SLC4A10: variants seen among roughly 807,000 people sequenced by gnomAD.
The protein encoded by SLC4A10 is sodium-driven chloride bicarbonate exchanger.
SLC4A10 carries 42 observed loss-of-function variants against 137.7 expected under a neutral mutation model. That is an observed-to-expected ratio of 0.30 (90% CI 0.24 to 0.39). The LOEUF (loss-of-function observed/expected upper bound fraction) is 0.39, where lower values mean the gene tolerates loss of function less well. Ranked by LOEUF, SLC4A10 falls within the 10% of genes least tolerant of loss-of-function variation. The pLI is 1.00. For missense variants in SLC4A10, 925 were observed against 1,355.0 expected, an observed-to-expected ratio of 0.68 and a Z score of 4.98; for synonymous variants, 474 against 464.1, an observed-to-expected ratio of 1.02 and a Z score of -0.27.
intron 1 of SLC4A10, among the ~76,000 whole-genome samples, chr2:161,702,972 T>G (rs2043277439): frequency 6.6e-6 from 1 of 151,820 alleles, no homozygotes; most frequent in Non-Finnish European, 1.5e-5. Flanking sequence ...ACCTTTCCTT[T>G]TCCATTTTCA....
At chr2:161,762,953 A>G (rs1329216290) in intron 1 of SLC4A10, among the ~76,000 whole-genome samples, 2 of 152,102 alleles carry the variant, frequency 1.3e-5, no homozygotes, top group Non-Finnish European at 2.9e-5. Context: ...TTTTATTTAT[A>G]TTAATGAAGA....
chr2:161,806,576 A>T (rs565223066), intron 3 of SLC4A10, among the ~76,000 whole-genome samples: 1 of 152,298 alleles, frequency 6.6e-6, no homozygotes, highest in African/African-American at 2.4e-5. Flanking sequence ...AAAGTTTCAC[A>T]GATCTCTAGG....
intron 1 of SLC4A10, among the ~76,000 whole-genome samples, chr2:161,752,441 G>T (rs981973006): frequency 1.3e-5 from 2 of 151,896 alleles, no homozygotes; most frequent in African/African-American, 4.8e-5. Flanking sequence ...TGAACTAAAC[G>T]CATGGGCCTC....
chr2:161,747,496 A>T (rs2048508566), intron 1 of SLC4A10, among the ~76,000 whole-genome samples: 1 of 150,964 alleles, frequency 6.6e-6, no homozygotes, highest in African/African-American at 2.4e-5. Flanking sequence ...TCTTGGTATG[A>T]TGTTAAAATC....
intron 1 of SLC4A10, among the ~76,000 whole-genome samples, chr2:161,629,290 A>G (rs2033075155): frequency 6.6e-6 from 1 of 151,278 alleles, no homozygotes; most frequent in African/African-American, 2.4e-5. Flanking sequence ...CTCGCACCAC[A>G]AACAGTTGTC....
intron 5 of SLC4A10, among the ~76,000 whole-genome samples, chr2:161,858,575 TTACTC>T (rs1263231930): frequency 6.6e-6 from 1 of 152,188 alleles, no homozygotes. Flanking sequence ...TTACCACAAT[TTACTC>T]TGATATGGAG....
intron 1 of SLC4A10, among the ~76,000 whole-genome samples, chr2:161,752,826 G>A (rs903436243): frequency 1.3e-5 from 2 of 152,024 alleles, no homozygotes; most frequent in Non-Finnish European, 2.9e-5. Flanking sequence ...TATCCTGGTG[G>A]ACAGGAGGAT....
intron 1 of SLC4A10, among the ~76,000 whole-genome samples, chr2:161,658,572 C>T (rs1284699102): frequency 6.7e-6 from 1 of 149,596 alleles, no homozygotes; most frequent in Non-Finnish European, 1.5e-5. Context: ...AATATTTTTA[C>T]CATGTGTTTA....
intron 3 of SLC4A10, among the ~76,000 whole-genome samples, chr2:161,823,237 G>T (rs1437871326): frequency 6.6e-6 from 1 of 152,156 alleles, no homozygotes; most frequent in Non-Finnish European, 1.5e-5. Flanking sequence ...GCAACTGAGA[G>T]AAATGTAAAC....
chr2:161,751,755 G>A (rs188722249), intron 1 of SLC4A10, among the ~76,000 whole-genome samples: 235 of 151,792 alleles, frequency 1.5e-3, no homozygotes, highest in African/African-American at 5.4e-3. Context: ...GAAAAATGTC[G>A]TTAAGTTATA....
chr2:161,909,545 A>G (rs1559513771), intron 15 of SLC4A10, among the ~76,000 whole-genome samples: 2 of 152,296 alleles, frequency 1.3e-5, no homozygotes, highest in South Asian at 2.1e-4. Context: ...AAACAATGAC[A>G]GTCTCATGGG....
chr2:161,823,573 CAGAGA>C (rs1243174324), intron 3 of SLC4A10, among the ~76,000 whole-genome samples: 1 of 152,178 alleles, frequency 6.6e-6, no homozygotes, highest in Non-Finnish European at 1.5e-5. Context: ...TCCCAAGAAG[CAGAGA>C]AAAGTCATAA....
intron 1 of SLC4A10, among the ~76,000 whole-genome samples, chr2:161,648,888 T>A (rs1356925988): frequency 6.6e-6 from 1 of 152,218 alleles, no homozygotes; most frequent in African/African-American, 2.4e-5. Flanking sequence ...TGTTTTTTAT[T>A]TTTTTTCCTT....
chr2:161,945,094 A>T (rs1693492300), intron 16 of SLC4A10, among the ~76,000 whole-genome samples: 1 of 149,400 alleles, frequency 6.7e-6, no homozygotes, highest in Non-Finnish European at 1.5e-5. Context: ...CAAACATTTG[A>T]TAGAAGTACT....
At chr2:161,804,835 G>C (rs1260934742) in intron 3 of SLC4A10, among the ~76,000 whole-genome samples, 2 of 152,052 alleles carry the variant, frequency 1.3e-5, no homozygotes, top group Non-Finnish European at 2.9e-5. Flanking sequence ...ATTGAGTAAA[G>C]CTCAAAAACT....
intron 23 of SLC4A10, among the ~76,000 whole-genome samples, chr2:161,967,986 C>T (rs80283637): frequency 6.7e-5 from 10 of 148,336 alleles, no homozygotes; most frequent in Admixed American, 3.4e-4. Flanking sequence ...AAAAAAAAAA[C>T]GAACACAGCC....
At chr2:161,964,022 G>A (rs1055675644) in intron 21 of SLC4A10, 113 bp from the exon 22 acceptor site, 47 of 761,670 alleles carry the variant, frequency 6.2e-5, no homozygotes, top group Non-Finnish European at 7.8e-5. Flanking sequence ...TCAACTTAGT[G>A]TTATCCAGGT....
chr2:161,780,660 T>A (rs1310459705), intron 2 of SLC4A10, among the ~76,000 whole-genome samples: 1 of 152,058 alleles, frequency 6.6e-6, no homozygotes, highest in Non-Finnish European at 1.5e-5. Flanking sequence ...AATGATTTTT[T>A]AAAAAATTCT....
At chr2:161,977,322 C>G in intron 25 of SLC4A10, 1 of 454,156 alleles carries the variant, frequency 2.2e-6, no homozygotes, top group Non-Finnish European at 4.4e-6. Flanking sequence ...ACTCCAACCC[C>G]CTGAAAGTCT....
Sources: allele counts gnomAD v4.1 joint callset (sites outside exome capture counted in the v4.1 genomes callset), GRCh38; gene constraint gnomAD v4.1.1; transcripts MANE v1.5; gene names NCBI Gene and HGNC (gene_info 2026-07-23, HGNC 2026-07-21).